Variants in MCPH1 observed in about 807,000 individuals in gnomAD.
MCPH1 encodes microcephalin.
In MCPH1, 104 loss-of-function variants were observed where a neutral mutation model predicts 84.5. That is an observed-to-expected ratio of 1.23 (90% CI 1.05 to 1.45). The LOEUF is 1.45. MCPH1 is among the 40% of genes most tolerant of loss of function. The pLI, the probability that MCPH1 is intolerant of heterozygous loss-of-function variation, is 0.00. For synonymous variants in MCPH1, 514 were observed against 366.8 expected, an observed-to-expected ratio of 1.40 and a Z score of -4.58; for missense variants, 1,498 against 1,005.7, an observed-to-expected ratio of 1.49 and a Z score of -6.62.
chr8:6,474,292 T>C lies in MCPH1; in HGVS notation c.1936-3302T>C, dbSNP rs1585983841. The C allele has an allele frequency of 5.8e-6, 3 of 519,734 alleles. No homozygotes were observed. The East Asian group carries it at 1.0e-4, about 17-fold the overall frequency. The allele number at this position is 519,734 out of a possible 1,614,324, so 32.2% of individuals were successfully genotyped here. ...TGTATTTCAATCCTGATTTTGATTC[T>C]GATATGTGGTTTTTCCAACCTCTGG... On this transcript the variant is annotated intron_variant, in intron 9 of 13. Coordinates refer to ENST00000344683, the MANE Select transcript of MCPH1 (RefSeq NM_024596.5).
chr8:6,552,296 G>A (rs1201012832), intron 12 of MCPH1, among the ~76,000 whole-genome samples: 1 of 152,146 alleles, frequency 6.6e-6, no homozygotes, highest in South Asian at 2.1e-4. Flanking sequence ...ATATGACGAT[G>A]GAATGTGGCC....
At chr8:6,590,906 T>A (rs1015497536) in intron 12 of MCPH1, among the ~76,000 whole-genome samples, 4 of 152,294 alleles carry the variant, frequency 2.6e-5, no homozygotes, top group African/African-American at 9.6e-5. Flanking sequence ...TGTTTTTGTT[T>A]GTTTGTTTTC....
At chr8:6,522,657 C>T (rs1382363591) in intron 12 of MCPH1, among the ~76,000 whole-genome samples, 1 of 149,408 alleles carries the variant, frequency 6.7e-6, no homozygotes, top group East Asian at 2.1e-4. Context: ...GAATGTAATC[C>T]CAGCTACTCA....
At chr8:6,462,497 G>A (rs1462993497) in intron 9 of MCPH1, among the ~76,000 whole-genome samples, 2 of 152,168 alleles carry the variant, frequency 1.3e-5, no homozygotes, top group East Asian at 3.8e-4. Context: ...TCATCATCAT[G>A]TACTTCACTT....
In MCPH1 at chr8:6,519,827, G is replaced by C. The variant is rs767372535; in HGVS notation, c.2214+19898G>C. On this transcript the variant is annotated intron_variant, in intron 12 of 13. Transcript: ENST00000344683. ...CTCACTCACTAAAGTGGCCTGCCTA[G>C]AGCCAGGGAGTTAGTAAGGGGAGAC... 3 of 1,608,720 alleles carry C rather than the reference G, an allele frequency of 1.9e-6. No homozygotes were observed. In the African/African-American group the frequency reaches 4.0e-5, roughly 21 times the overall value.
intron 9 of MCPH1, chr8:6,473,834 C>G: frequency 7.3e-7 from 1 of 1,377,544 alleles, no homozygotes; most frequent in Non-Finnish European, 9.7e-7. Flanking sequence ...AGTAGCTAGC[C>G]TTATAAGTCA....
chr8:6,472,604 T>C (rs113513829), intron 9 of MCPH1, among the ~76,000 whole-genome samples: 2,483 of 152,066 alleles, frequency 0.016, 73 homozygotes, highest in African/African-American at 0.057. Context: ...GTAGCTGGGA[T>C]TACAGGTGCC....
At chr8:6,548,115 G>A (rs1822939959) in intron 12 of MCPH1, among the ~76,000 whole-genome samples, 2 of 152,142 alleles carry the variant, frequency 1.3e-5, no homozygotes, top group Admixed American at 6.5e-5. Flanking sequence ...AGTTTTGGCT[G>A]CTCTTTGGGA....
chr8:6,504,221 G>A (rs181475991), intron 12 of MCPH1, among the ~76,000 whole-genome samples: 13,713 of 150,636 alleles, frequency 0.091, 1,204 homozygotes, highest in African/African-American at 0.22. Context: ...GGGAGGCTGA[G>A]GCAGGAGAAT....
At chr8:6,625,174 C>T (rs1435595821) in intron 13 of MCPH1, 30 of 985,212 alleles carry the variant, frequency 3.0e-5, no homozygotes, top group Non-Finnish European at 3.3e-5. Flanking sequence ...CGTGCCTGGC[C>T]GAAATCACCT....
intron 13 of MCPH1, among the ~76,000 whole-genome samples, chr8:6,623,708 A>C (rs1410053221): frequency 8.4e-4 from 5 of 5,952 alleles, no homozygotes; most frequent in African/African-American, 3.4e-3. Context: ...AAAAAAAAAA[A>C]AAAAAAAAAA....
intron 12 of MCPH1, among the ~76,000 whole-genome samples, chr8:6,516,518 A>C (rs562574861): frequency 6.6e-6 from 1 of 152,348 alleles, no homozygotes; most frequent in East Asian, 1.9e-4. Flanking sequence ...AAGTCCCTCA[A>C]CACAGTTCCA....
At chr8:6,530,762 G>C (rs73507120) in intron 12 of MCPH1, among the ~76,000 whole-genome samples, 2,984 of 152,232 alleles carry the variant, frequency 0.02, 103 homozygotes, top group African/African-American at 0.068. Flanking sequence ...TTATCTGTAA[G>C]TCTTTTGTTA....
intron 13 of MCPH1, chr8:6,634,870 A>T (rs2980655): frequency 0.26 from 40,022 of 152,098 alleles, 5,546 homozygotes; most frequent in Non-Finnish European, 0.32. Flanking sequence ...AAAAGTAAAT[A>T]TAAAAACACT....
At chr8:6,481,878 A>G (rs1476214785) in intron 11 of MCPH1, among the ~76,000 whole-genome samples, 1 of 152,214 alleles carries the variant, frequency 6.6e-6, no homozygotes. Context: ...TGTTTTGTGT[A>G]GTTTCAGGTA....
At chr8:6,640,101 C>T (rs112964235) in intron 13 of MCPH1, among the ~76,000 whole-genome samples, 4,338 of 95,576 alleles carry the variant, frequency 0.045, 110 homozygotes, top group East Asian at 0.22. Flanking sequence ...TGTGTGTGCG[C>T]GCGCGTGTGT....
chr8:6,622,043 G>C (rs1027681747), intron 13 of MCPH1: 2 of 384,040 alleles, frequency 5.2e-6, no homozygotes, highest in South Asian at 2.0e-5. Context: ...GTGCCTCCTT[G>C]TCCTGCTTCA....
At chr8:6,429,796 G>T (rs1801577898) in intron 3 of MCPH1, among the ~76,000 whole-genome samples, 1 of 152,020 alleles carries the variant, frequency 6.6e-6, no homozygotes, top group Non-Finnish European at 1.5e-5. Flanking sequence ...TCCTGCCACA[G>T]TTATTGCAGT....
intron 6 of MCPH1, among the ~76,000 whole-genome samples, chr8:6,439,333 A>G (rs1803146613): frequency 6.7e-6 from 1 of 150,184 alleles, no homozygotes; most frequent in East Asian, 1.9e-4. Flanking sequence ...GCTCCTTTGT[A>G]ATTTCTATTA....
Sources: allele counts gnomAD v4.1 joint callset (sites outside exome capture counted in the v4.1 genomes callset), GRCh38; gene constraint gnomAD v4.1.1; transcripts MANE v1.5; gene names NCBI Gene and HGNC (gene_info 2026-07-23, HGNC 2026-07-21).